Variants in YARS1 observed in about 807,000 individuals in gnomAD.
YARS1 encodes tyrosyl-tRNA synthetase 1.
A neutral mutation model predicts 62.2 loss-of-function variants in YARS1; 36 were observed. That is an observed-to-expected ratio of 0.58 (90% confidence interval 0.44 to 0.76). YARS1 has a LOEUF of 0.76. Ranked by LOEUF, YARS1 falls within the 30% of genes least tolerant of loss-of-function variation. YARS1 has a pLI of 0.00. For synonymous variants in YARS1, 234 were observed against 244.9 expected, an observed-to-expected ratio of 0.96 and a Z score of 0.42; for missense variants, 524 against 639.8, an observed-to-expected ratio of 0.82 and a Z score of 1.95.
intron 4 of YARS1, among the ~76,000 whole-genome samples, chr1:32,803,874 A>AGAGGAC (rs1240823520): frequency 1.3e-5 from 2 of 151,932 alleles, no homozygotes; most frequent in Non-Finnish European, 2.9e-5. Context: ...TTTCCTAGGC[A>AGAGGAC]GAGGACCCTG....
chr1:32,778,417 T>TC (rs1395425208), intron 12 of YARS1, among the ~76,000 whole-genome samples: 2 of 29,838 alleles, frequency 6.7e-5, no homozygotes, highest in Non-Finnish European at 1.7e-4. Flanking sequence ...CTTTCTTTCA[T>TC]TTTTTTTTTG....
chr1:32,796,726 G>T (rs538982577), intron 5 of YARS1, among the ~76,000 whole-genome samples: 5 of 151,462 alleles, frequency 3.3e-5, no homozygotes, highest in African/African-American at 7.3e-5. Context: ...TGCTTTGGAA[G>T]GCTGAGATGG....
intron 6 of YARS1, among the ~76,000 whole-genome samples, chr1:32,787,505 A>C (rs1374305888): frequency 6.7e-6 from 1 of 149,428 alleles, no homozygotes; most frequent in African/African-American, 2.5e-5. Flanking sequence ...AAAATAAATA[A>C]ATAAAGATTT....
chr1:32,778,068 G>C (rs1652928168), intron 12 of YARS1, among the ~76,000 whole-genome samples: 1 of 152,186 alleles, frequency 6.6e-6, no homozygotes, highest in Non-Finnish European at 1.5e-5. Context: ...CAAGAGGATG[G>C]AGAGTAGAAA....
At chr1:32,800,142 G>C (rs1638241887) in intron 4 of YARS1, among the ~76,000 whole-genome samples, 1 of 151,970 alleles carries the variant, frequency 6.6e-6, no homozygotes, top group Non-Finnish European at 1.5e-5. Flanking sequence ...CACCACACCT[G>C]GCTAATTTTT....
intron 5 of YARS1, 42 bp downstream of exon 5, chr1:32,797,719 CCT>C: frequency 6.6e-7 from 1 of 1,516,250 alleles, no homozygotes; most frequent in Non-Finnish European, 9.2e-7. Context: ...CAGCTGCATA[CCT>C]CTGAGGTGCA....
At chr1:32,786,621 G>T in intron 7 of YARS1, 174 bp from the exon 8 acceptor site, 2 of 751,164 alleles carry the variant, frequency 2.7e-6, no homozygotes, top group South Asian at 1.6e-5. Flanking sequence ...TACCCAGCTA[G>T]CATCTCAGCT....
chr1:32,809,063 C>G (rs185277804), intron 3 of YARS1, among the ~76,000 whole-genome samples: 2 of 151,932 alleles, frequency 1.3e-5, no homozygotes, highest in African/African-American at 4.8e-5. Context: ...TGTTCATATG[C>G]TTTATTTATT....
At chr1:32,794,851 C>T (rs1653522185) in intron 5 of YARS1, among the ~76,000 whole-genome samples, 1 of 151,392 alleles carries the variant, frequency 6.6e-6, no homozygotes, top group South Asian at 2.1e-4. Context: ...ACTAAAAATA[C>T]AAAAATTAGC....
chr1:32,815,378 C>A (rs948222587), intron 1 of YARS1, among the ~76,000 whole-genome samples: 1 of 152,054 alleles, frequency 6.6e-6, no homozygotes, highest in Non-Finnish European at 1.5e-5. Flanking sequence ...ACAAAAAACC[C>A]AATTGAGTCA....
At chr1:32,787,655 G>A (rs1002846246) in intron 6 of YARS1, among the ~76,000 whole-genome samples, 2 of 151,560 alleles carry the variant, frequency 1.3e-5, no homozygotes, top group African/African-American at 4.9e-5. Flanking sequence ...GATTACAGGT[G>A]CCTGTCACCA....
At chr1:32,778,416 A>T (rs1165975533) in intron 12 of YARS1, among the ~76,000 whole-genome samples, 11 of 146,900 alleles carry the variant, frequency 7.5e-5, no homozygotes, top group Admixed American at 6.1e-4. Context: ...TCTTTCTTTC[A>T]TTTTTTTTTT....
intron 11 of YARS1, 21 bp downstream of exon 11, chr1:32,780,064 C>G: frequency 6.2e-7 from 1 of 1,613,906 alleles, no homozygotes. Flanking sequence ...GTCCTGTGCC[C>G]CACTCCAAGT....
chr1:32,797,039 TATATATATATAG>T (rs1231791516), intron 5 of YARS1, among the ~76,000 whole-genome samples: 21 of 70,576 alleles, frequency 3.0e-4, no homozygotes, highest in African/African-American at 1.3e-3. Flanking sequence ...TATATATATA[TATATATATATAG>T]TAAGCATTTC....
At chr1:32,807,779 A>G (rs1433473254) in intron 3 of YARS1, among the ~76,000 whole-genome samples, 1 of 152,130 alleles carries the variant, frequency 6.6e-6, no homozygotes, top group Non-Finnish European at 1.5e-5. Flanking sequence ...GAGGGCTTCA[A>G]TTAGTATTTT....
rs1653403342 is a variant in YARS1, at chr1:32,791,227, G to A, written c.619C>T (p.Arg207Trp). The change falls in exon 6 of 13, where the codon CGG becomes TGG. Residue 207 changes from arginine (R) to tryptophan (W), a missense_variant. Coordinates refer to ENST00000373477, the MANE Select transcript of YARS1 (RefSeq NM_003680.4). ...ACCATAGGATTCATCAGATGGACCC[G>A]TTTTGAATAGCCAAGTGCAGGGAGG... ...KYLPALGYSKRVHLMNPMVPG... is the reference protein window; with the variant it reads ...KYLPALGYSKWVHLMNPMVPG... The A allele has an allele frequency of 3.7e-6, 6 of 1,613,958 alleles. No homozygotes were observed. Among genetic ancestry groups the A allele is most frequent in the South Asian group, 1.1e-5 (1 of 91,084 alleles).
At chr1:32,787,127 G>A in intron 6 of YARS1, 52 bp from the exon 7 acceptor site, 3 of 1,609,478 alleles carry the variant, frequency 1.9e-6, no homozygotes, top group Non-Finnish European at 2.5e-6. Flanking sequence ...ATGAGAATAT[G>A]CTCAACTAAT....
At chr1:32,783,938 T>C (rs979342698) in intron 8 of YARS1, among the ~76,000 whole-genome samples, 1 of 152,100 alleles carries the variant, frequency 6.6e-6, no homozygotes, top group Non-Finnish European at 1.5e-5. Flanking sequence ...CCACAGAAAG[T>C]ACTGTTGGAT....
In YARS1 at chr1:32,786,982, C is replaced by G; in HGVS notation, c.778G>C (p.Val260Leu). 3 of 1,614,100 alleles carry G rather than the reference C, an allele frequency of 1.9e-6. No homozygotes were observed. Among genetic ancestry groups the G allele is most frequent in the Non-Finnish European group, 2.5e-6 (3 of 1,180,012 alleles). The change falls in exon 7 of 13, where the codon GTT becomes CTT. Residue 260 changes from valine (V) to leucine (L), a missense_variant. Transcript: ENST00000373477. The part of the protein sequence containing the change: ...CEPGNVENNG[V>L]LSFIKHVLFP... ...AGGACATGCTTGATGAAGGACAGAA[C>G]CCCATTGTTCTCCACATTTCCTGGC...
Sources: allele counts gnomAD v4.1 joint callset (sites outside exome capture counted in the v4.1 genomes callset), GRCh38; gene constraint gnomAD v4.1.1; transcripts MANE v1.5; gene names NCBI Gene and HGNC (gene_info 2026-07-23, HGNC 2026-07-21).